NPM1: variants seen among roughly 807,000 people sequenced by gnomAD.
NPM1 encodes nucleophosmin 1, also known as nucleophosmin.
A neutral mutation model predicts 44.1 loss-of-function variants in NPM1; 1 was observed. That is an observed-to-expected ratio of 0.02 (90% confidence interval 0.01 to 0.11). NPM1 has a LOEUF of 0.11. Among genes scored for constraint, NPM1 ranks in the 10% least tolerant of loss-of-function variants. The probability of loss-of-function intolerance (pLI) is 1.00; values close to 1 mark genes in which losing one functional copy is unlikely to be tolerated. For missense variants in NPM1, 197 were observed against 347.8 expected (o/e 0.57, Z 3.45); for synonymous variants, 126 against 111.8 (o/e 1.13, Z -0.80).
chr5:171,404,182 G>T (rs1023366759), intron 8 of NPM1, among the ~76,000 whole-genome samples: 1 of 98,134 alleles, frequency 1.0e-5, no homozygotes, highest in African/African-American at 4.1e-5. Flanking sequence ...CGGTCGGGGG[G>T]GCTGACCCCC....
chr5:171,389,992 C>T lies in NPM1; in HGVS notation c.59-59C>T, dbSNP rs1333232090. On this transcript the variant is annotated intron_variant, in intron 1 of 10. Transcript: ENST00000296930. ...TAGACCTGACCTTTTTGGTTACCCA[C>T]ACTTAAGTTTCAGTGTTATTTTTCT... The T allele has an allele frequency of 5.7e-6, 6 of 1,048,768 alleles. No individual in the cohort carries two copies. The East Asian group carries it at 1.2e-4, about 21-fold the overall frequency. The allele number at this position is 1,048,768 out of a possible 1,614,324, so 65.0% of individuals were successfully genotyped here.
chr5:171,409,301 CTGA>C (rs1771710590), intron 10 of NPM1, among the ~76,000 whole-genome samples: 4 of 152,244 alleles, frequency 2.6e-5, no homozygotes, highest in East Asian at 1.9e-4. Context: ...TTGTTTGAAC[CTGA>C]TGATAAGATC....
chr5:171,389,589 A>G (rs1337484807), intron 1 of NPM1, among the ~76,000 whole-genome samples: 1 of 152,156 alleles, frequency 6.6e-6, no homozygotes, highest in Non-Finnish European at 1.5e-5. Context: ...CCCTGTAGCA[A>G]ACTTCGGTTC....
chr5:171,389,341 T>G (rs945488022), intron 1 of NPM1, among the ~76,000 whole-genome samples: 1 of 152,236 alleles, frequency 6.6e-6, no homozygotes, highest in African/African-American at 2.4e-5. Context: ...CATTTAAAAT[T>G]TTTATTCTGA....
In NPM1 at chr5:171,391,286, AT is replaced by A. The variant is rs752582321; in HGVS notation, c.139-9del. The A allele has an allele frequency of 3.9e-3, 5,289 of 1,348,742 alleles. 19 individuals carry two copies. The highest frequency in any genetic ancestry group is 8.1e-3 in the Admixed American group (405 of 50,288). The allele number at this position is 1,348,742 out of a possible 1,614,324, so 83.5% of individuals were successfully genotyped here. On this transcript the variant is annotated intron_variant, in intron 2 of 10. Coordinates refer to ENST00000296930, the MANE Select transcript of NPM1 (RefSeq NM_002520.7). ...GGTGGAACTCAAAAGTTGAAGTAGT[AT>A]TTTTTTTTTGTTCACAGGTCAGTTT...
rs1388726393 is a variant in NPM1, at chr5:171,405,311, T to G, written c.679T>G (p.Ser227Ala). ...SSTPRSKGQE[S>A]FKKQEKTPKT... ...TTCATTTCTTTTTCAGGGACAAGAATCCTTCAAGAAACAGGAAAAAACTCC... is the reference window on the plus strand; with the variant it reads ...TTCATTTCTTTTTCAGGGACAAGAAGCCTTCAAGAAACAGGAAAAAACTCC... The change falls in exon 9 of 11, where the codon TCC becomes GCC. Residue 227 changes from serine (S) to alanine (A), a missense_variant. Ser to Ala is a moderately conservative substitution (Grantham distance 99, BLOSUM62 1). Around this residue, in one of 5 missense-constraint regions of NPM1, gnomAD observed 47 missense variants for 106.5 expected, o/e 0.44. Coordinates refer to ENST00000296930, the MANE Select transcript of NPM1 (RefSeq NM_002520.7). 1.9e-6 allele frequency: 3 copies of G among 1,550,330 alleles called. No homozygotes were observed.
At chr5:171,387,754 G>C (rs980114715), upstream of NPM1, 2 of 625,304 alleles carry the variant, frequency 3.2e-6, no homozygotes, top group Non-Finnish European at 5.7e-6. Flanking sequence ...ACGGTACGGG[G>C]GTGGGAGGGC....
chr5:171,405,336 C>A lies in NPM1; in HGVS notation c.704C>A (p.Pro235His). The change falls in exon 9 of 11, where the codon CCT (proline) becomes CAT (histidine). Residue 235 changes from proline (P) to histidine (H), a missense_variant. By Grantham distance (77) the Pro-to-His change is moderately conservative. This residue lies in a region of NPM1 where 47 missense variants were observed against 106.5 expected (regional missense o/e 0.44). Transcript: ENST00000296930. ...TCCTTCAAGAAACAGGAAAAAACTCCTAAAACACCAAAAGGACCTAGTTCT... is the reference window on the plus strand; with the variant it reads ...TCCTTCAAGAAACAGGAAAAAACTCATAAAACACCAAAAGGACCTAGTTCT... The part of the protein sequence containing the change: ...QESFKKQEKT[P>H]KTPKGPSSVE... The A allele has an allele frequency of 6.3e-7, 1 of 1,594,510 alleles. No individual in the cohort carries two copies. The highest frequency in any genetic ancestry group is 8.6e-7 in the Non-Finnish European group (1 of 1,166,234).
At chr5:171,388,928 C>T (rs1181181623) in intron 1 of NPM1, among the ~76,000 whole-genome samples, 2 of 152,210 alleles carry the variant, frequency 1.3e-5, no homozygotes, top group East Asian at 1.9e-4. Context: ...TCCGTAGCTG[C>T]TGCTTCGTGA....
chr5:171,401,588 CA>C (rs1429750139), intron 8 of NPM1, among the ~76,000 whole-genome samples: 1 of 152,138 alleles, frequency 6.6e-6, no homozygotes, highest in Non-Finnish European at 1.5e-5. Context: ...ATGCGCGTGC[CA>C]CCAGGCCCAG....
intron 6 of NPM1, among the ~76,000 whole-genome samples, chr5:171,398,854 C>CT (rs1157403863): frequency 2.6e-5 from 4 of 152,174 alleles, no homozygotes; most frequent in Non-Finnish European, 4.4e-5. Flanking sequence ...CACTGTTCCT[C>CT]TGTGGTTTTT....
chr5:171,397,660 A>G (rs748352328), intron 6 of NPM1, among the ~76,000 whole-genome samples: 2 of 151,552 alleles, frequency 1.3e-5, no homozygotes, highest in South Asian at 2.1e-4. Context: ...TCTTTTTGAT[A>G]TGATTTTTGT....
Position 171,410,775 on chromosome 5 carries a change from G to T in NPM1, c.*210G>T. ...AACTCCACCCTTTGCTTGGTTTTAA[G>T]TATGTATGGAATGTTATGATAGGAC... On this transcript the variant is annotated 3_prime_UTR_variant, in exon 11 of 11. Transcript: ENST00000296930. 1 of 485,762 alleles carries T rather than the reference G, an allele frequency of 2.1e-6. No homozygotes were observed. Among genetic ancestry groups the T allele is most frequent in the Non-Finnish European group, 3.6e-6 (1 of 276,286 alleles). 30.1% of individuals were successfully genotyped at this position (485,762 alleles called of 1,614,324 possible). A position where few individuals can be genotyped will look rare whatever the true frequency, so the allele number is the denominator to read the frequency against.
At chr5:171,398,525 G>C (rs1481503337) in intron 6 of NPM1, among the ~76,000 whole-genome samples, 1 of 152,062 alleles carries the variant, frequency 6.6e-6, no homozygotes, top group Non-Finnish European at 1.5e-5. Context: ...CTGTAATCCC[G>C]GCACTTTGAG....
intron 2 of NPM1, 124 bp from the exon 3 acceptor site, chr5:171,391,181 A>C (rs908708890): frequency 9.0e-7 from 1 of 1,110,596 alleles, no homozygotes; most frequent in African/African-American, 1.6e-5. Flanking sequence ...AAATTGTCTA[A>C]CAACACATTT....
rs1770590904 is a variant in NPM1, at chr5:171,391,856, G to GGT, written c.352+58_352+59dup. 1.0e-5 allele frequency: 11 copies of GGT among 1,091,428 alleles called. No individual in the cohort carries two copies. The East Asian group carries it at 2.7e-4, about 26-fold the overall frequency. The allele number at this position is 1,091,428 out of a possible 1,614,324, so 67.6% of individuals were successfully genotyped here. On this transcript the variant is annotated intron_variant, in intron 4 of 10. Coordinates refer to ENST00000296930, the MANE Select transcript of NPM1 (RefSeq NM_002520.7). ...TTTGTCCTCTTTAGTGCAGTTGCTT[G>GGT]GTTCCCAGTTTGGACTTAAAGCATG...
chr5:171,390,252 C>T, intron 2 of NPM1, 122 bp downstream of exon 2: 1 of 561,836 alleles, frequency 1.8e-6, no homozygotes, highest in Non-Finnish European at 3.1e-6. Flanking sequence ...TTTCTTACAC[C>T]TGGGTATTGT....
chr5:171,404,083 G>A (rs1771420521), intron 8 of NPM1, among the ~76,000 whole-genome samples: 1 of 71,584 alleles, frequency 1.4e-5, no homozygotes, highest in Non-Finnish European at 2.8e-5. Context: ...CCGGGCGGGG[G>A]GCTGACCCCC....
chr5:171,407,422 G>T, intron 9 of NPM1: 1 of 398,554 alleles, frequency 2.5e-6, no homozygotes, highest in Non-Finnish European at 4.4e-6. Flanking sequence ...TGCCATGTTT[G>T]TTTGTCGAAT....
Sources: allele counts gnomAD v4.1 joint callset (sites outside exome capture counted in the v4.1 genomes callset), GRCh38; gene constraint gnomAD v4.1.1; regional missense constraint gnomAD v4.1.1; transcripts MANE v1.5; gene names NCBI Gene and HGNC (gene_info 2026-07-23, HGNC 2026-07-21).